RBFOX1: variants seen among roughly 807,000 people sequenced by gnomAD.
RBFOX1 encodes the protein RNA binding fox-1 homolog 1.
In RBFOX1, 8 loss-of-function variants were observed where a neutral mutation model predicts 57.7. The ratio of observed to expected loss-of-function variants is 0.14; its 90% CI spans 0.08 to 0.25. The LOEUF (loss-of-function observed/expected upper bound fraction) is 0.25, where lower values mean the gene tolerates loss of function less well. Among genes scored for constraint, RBFOX1 ranks in the 10% least tolerant of loss-of-function variants. The pLI, the probability that RBFOX1 is intolerant of heterozygous loss-of-function variation, is 1.00. For missense variants in RBFOX1, 611 were observed against 548.5 expected (o/e 1.11, Z -1.14); for synonymous variants, 326 against 222.4 (o/e 1.47, Z -4.15).
intron 4 of RBFOX1, among the ~76,000 whole-genome samples, chr16:7,146,735 G>A (rs146373027): frequency 1.3e-5 from 2 of 151,878 alleles, no homozygotes; most frequent in African/African-American, 4.8e-5. Context: ...GATCACTTGA[G>A]CCCAGGAGTG....
intron 2 of RBFOX1, among the ~76,000 whole-genome samples, chr16:6,575,057 A>C (rs1280121892): frequency 2.4e-4 from 36 of 151,584 alleles, no homozygotes; most frequent in African/African-American, 8.7e-4. Context: ...AAAAAAAAAA[A>C]AAAAACAGCA....
intron 4 of RBFOX1, among the ~76,000 whole-genome samples, chr16:7,339,153 C>G (rs1420573182): frequency 6.6e-6 from 1 of 152,130 alleles, no homozygotes; most frequent in Admixed American, 6.5e-5. Context: ...GTCAATTAAC[C>G]TCACCAAGCC....
intron 1 of RBFOX1, among the ~76,000 whole-genome samples, chr16:5,393,601 T>A (rs1287318491): frequency 6.6e-6 from 1 of 152,224 alleles, no homozygotes; most frequent in Non-Finnish European, 1.5e-5. Context: ...GGGCCTGGTG[T>A]TGGGATGACA....
chr16:6,818,615 C>A (rs1439143842), intron 3 of RBFOX1, among the ~76,000 whole-genome samples: 1 of 152,148 alleles, frequency 6.6e-6, no homozygotes, highest in African/African-American at 2.4e-5. Context: ...GGGCATGTAT[C>A]ACTCAGCACC....
At chr16:7,693,598 T>C (rs1032614134) in intron 14 of RBFOX1, among the ~76,000 whole-genome samples, 1 of 152,104 alleles carries the variant, frequency 6.6e-6, no homozygotes, top group Non-Finnish European at 1.5e-5. Flanking sequence ...TAATAATACA[T>C]GGTCCAGAAA....
At chr16:5,820,038 G>C (rs1597376526) in intron 3 of RBFOX1, among the ~76,000 whole-genome samples, 1 of 152,194 alleles carries the variant, frequency 6.6e-6, no homozygotes, top group East Asian at 1.9e-4. Context: ...TTTGTCTTCA[G>C]GTGACTTTAC....
At chr16:7,169,016 T>C (rs1302164831) in intron 4 of RBFOX1, among the ~76,000 whole-genome samples, 2 of 152,192 alleles carry the variant, frequency 1.3e-5, no homozygotes, top group Non-Finnish European at 2.9e-5. Context: ...CACAGAAATA[T>C]AACTAGATTT....
chr16:6,972,068 A>G (rs928074369), intron 3 of RBFOX1, among the ~76,000 whole-genome samples: 3 of 152,190 alleles, frequency 2.0e-5, no homozygotes, highest in Non-Finnish European at 2.9e-5. Flanking sequence ...CTTAACAAAG[A>G]GATATATTAC....
At chr16:6,882,865 A>C (rs1221126849) in intron 3 of RBFOX1, among the ~76,000 whole-genome samples, 1 of 152,132 alleles carries the variant, frequency 6.6e-6, no homozygotes, top group Non-Finnish European at 1.5e-5. Context: ...GGAGTGAACA[A>C]CCATCTTCCT....
intron 2 of RBFOX1, among the ~76,000 whole-genome samples, chr16:5,487,230 C>A (rs755382335): frequency 6.6e-6 from 1 of 152,184 alleles, no homozygotes; most frequent in Non-Finnish European, 1.5e-5. Context: ...TGTCCAAGTG[C>A]CCTACTGGAC....
intron 4 of RBFOX1, among the ~76,000 whole-genome samples, chr16:7,083,156 T>C (rs7200147): frequency 0.03 from 4,514 of 152,178 alleles, 224 homozygotes; most frequent in African/African-American, 0.1. Context: ...ATTTAAAACA[T>C]AGAAATAATT....
intron 4 of RBFOX1, among the ~76,000 whole-genome samples, chr16:7,197,567 C>G (rs982700813): frequency 2.6e-5 from 4 of 151,786 alleles, no homozygotes; most frequent in Admixed American, 6.6e-5. Context: ...AGCAATTCCA[C>G]TTGGAAGTTT....
Position 6,939,631 on chromosome 16 carries a change from C to T in RBFOX1, c.-15-112426C>T, listed in dbSNP as rs150247107. ...AGTTCACTTGATTCTCATGCCTCAA[C>T]CACCTGAGTAGCTGCGATTACAGCC... On this transcript the variant is annotated intron_variant, in intron 3 of 15. Coordinates refer to ENST00000550418, the MANE Select transcript of RBFOX1 (RefSeq NM_018723.4). 2.8e-3 allele frequency among the ~76,000 whole-genome samples: 429 copies of T among 151,924 alleles called. 1 individual carries two copies. The highest frequency in any genetic ancestry group is 9.9e-3 in the African/African-American group (410 of 41,424).
rs199690584 is a variant in RBFOX1, at chr16:6,060,122, G to GTTTTTTTTTTTTT, written c.-127+40154_-127+40166dup. The stretch of plus-strand genomic sequence containing the variant: ...ATTTGGCCCTAAAATTAGGATTAGG[G>GTTTTTTTTTTTTT]TTTTTTTTTTTTTTTTTTTTTTTTT... On this transcript the variant is annotated intron_variant, in intron 1 of 15. Transcript: ENST00000550418. 1.5e-4 allele frequency among the ~76,000 whole-genome samples: 17 copies of GTTTTTTTTTTTTT among 114,202 alleles called. 3 individuals carry two copies. The highest frequency in any genetic ancestry group is 3.0e-4 in the South Asian group (1 of 3,340). 74.9% of individuals were successfully genotyped at this position (114,202 alleles called of 152,430 possible). A position where few individuals can be genotyped will look rare whatever the true frequency, so the allele number is the denominator to read the frequency against.
In RBFOX1 at chr16:7,585,594, C is replaced by T. The variant is rs543098030; in HGVS notation, c.415-1653C>T. Among the ~76,000 whole-genome samples the T allele has an allele frequency of 1.0e-3, 153 of 152,246 alleles. 1 individual carries two copies. Among genetic ancestry groups the T allele is most frequent in the African/African-American group, 3.5e-3 (145 of 41,558 alleles). ...TGTATAGTGTATGGGTCCTGAGGAA[C>T]GGGCACATTTCTATGGCACAGAATG... is the stretch of plus-strand genomic sequence containing the variant. On this transcript the variant is annotated intron_variant, in intron 6 of 15. Coordinates refer to ENST00000550418, the MANE Select transcript of RBFOX1 (RefSeq NM_018723.4).
At chr16:6,656,848 T>A (rs996490674) in intron 3 of RBFOX1, among the ~76,000 whole-genome samples, 6 of 151,882 alleles carry the variant, frequency 4.0e-5, no homozygotes, top group Non-Finnish European at 7.4e-5. Context: ...GGACTTTTTT[T>A]AAAAAAGAGT....
chr16:6,216,935 C>T (rs2097339429), intron 1 of RBFOX1, among the ~76,000 whole-genome samples: 1 of 151,462 alleles, frequency 6.6e-6, no homozygotes, highest in South Asian at 2.1e-4. Flanking sequence ...TCTGTTCTTT[C>T]TACTTTTCTT....
At chr16:5,981,427 G>C (rs2060170205) in intron 4 of RBFOX1, among the ~76,000 whole-genome samples, 1 of 152,098 alleles carries the variant, frequency 6.6e-6, no homozygotes, top group South Asian at 2.1e-4. Flanking sequence ...GAAACTATTG[G>C]ATTAGATTAT....
chr16:6,488,901 G>C (rs943407216), intron 2 of RBFOX1, among the ~76,000 whole-genome samples: 2 of 152,086 alleles, frequency 1.3e-5, no homozygotes, highest in Admixed American at 6.5e-5. Flanking sequence ...TATAAACATG[G>C]TCTGATTTTT....
Sources: allele counts gnomAD v4.1 joint callset (sites outside exome capture counted in the v4.1 genomes callset), GRCh38; gene constraint gnomAD v4.1.1; transcripts MANE v1.5; gene names NCBI Gene and HGNC (gene_info 2026-07-23, HGNC 2026-07-21).